The following CYP7B1 variants were observed in gnomAD, a reference collection of about 807,000 sequenced individuals.
CYP7B1 encodes cytochrome P450 7B1.
A neutral mutation model predicts 42.7 loss-of-function variants in CYP7B1; 29 were observed. The ratio of observed to expected loss-of-function variants is 0.68; its 90% CI spans 0.51 to 0.93. CYP7B1 has a LOEUF of 0.93. CYP7B1 is among the 40% of genes least tolerant of loss of function. The pLI is 0.00. For missense variants in CYP7B1, 655 were observed against 600.5 expected (o/e 1.09, Z -0.95); for synonymous variants, 235 against 218.2 (o/e 1.08, Z -0.68).
intron 1 of CYP7B1, among the ~76,000 whole-genome samples, chr8:64,782,729 T>C (rs186376023): frequency 8.5e-5 from 13 of 152,294 alleles, no homozygotes; most frequent in Non-Finnish European, 1.3e-4. Context: ...TAAAATGTGA[T>C]TACAGAATTG....
At chr8:64,636,244 G>T (rs1175993992) in intron 1 of CYP7B1, among the ~76,000 whole-genome samples, 2 of 152,252 alleles carry the variant, frequency 1.3e-5, no homozygotes, top group East Asian at 3.9e-4. Context: ...GGGTGCTGTA[G>T]TCTCACTGTG....
intron 1 of CYP7B1, among the ~76,000 whole-genome samples, chr8:64,764,229 G>GCTCCCCCCCCCCCC (rs1554539986): frequency 1.6e-5 from 2 of 125,150 alleles, no homozygotes; most frequent in African/African-American, 6.1e-5. Flanking sequence ...CTTCCACGCT[G>GCTCCCCCCCCCCCC]CCCCCCCCAC....
intron 1 of CYP7B1, among the ~76,000 whole-genome samples, chr8:64,634,402 T>C (rs930136223): frequency 6.6e-6 from 1 of 151,720 alleles, no homozygotes; most frequent in Admixed American, 6.6e-5. Context: ...AAACCCCATT[T>C]CTATGAAAAA....
chr8:64,639,638 T>C (rs956322704), intron 1 of CYP7B1, among the ~76,000 whole-genome samples: 13 of 152,098 alleles, frequency 8.5e-5, no homozygotes, highest in Non-Finnish European at 1.6e-4. Context: ...GAGGAGAAAC[T>C]GGAACTCTCA....
At chr8:64,757,370 T>C (rs1195771498) in intron 1 of CYP7B1, among the ~76,000 whole-genome samples, 1 of 152,176 alleles carries the variant, frequency 6.6e-6, no homozygotes, top group Non-Finnish European at 1.5e-5. Flanking sequence ...TAAAATAGGA[T>C]TATTAATGCC....
At chr8:64,610,176 T>G (rs1027397791) in intron 4 of CYP7B1, among the ~76,000 whole-genome samples, 2 of 152,228 alleles carry the variant, frequency 1.3e-5, no homozygotes, top group Non-Finnish European at 2.9e-5. Flanking sequence ...AGATTCTGTT[T>G]CCAGCATTCC....
intron 1 of CYP7B1, among the ~76,000 whole-genome samples, chr8:64,677,331 A>C (rs897963391): frequency 2.0e-5 from 3 of 151,640 alleles, no homozygotes; most frequent in Non-Finnish European, 4.4e-5. Context: ...GTGCTGGAAT[A>C]GAAGTTGTCA....
At chr8:64,656,659 CAAAGATAA>C (rs1001241953) in intron 1 of CYP7B1, among the ~76,000 whole-genome samples, 1 of 152,148 alleles carries the variant, frequency 6.6e-6, no homozygotes, top group African/African-American at 2.4e-5. Flanking sequence ...GTCACACAAT[CAAAGATAA>C]AACCATTTTA....
At chr8:64,759,041 C>T (rs1234225472) in intron 1 of CYP7B1, among the ~76,000 whole-genome samples, 1 of 152,162 alleles carries the variant, frequency 6.6e-6, no homozygotes, top group Non-Finnish European at 1.5e-5. Context: ...TGGAGTCCTG[C>T]TGTACTGTGA....
chr8:64,747,506 A>T (rs557815761), intron 1 of CYP7B1, among the ~76,000 whole-genome samples: 1 of 151,598 alleles, frequency 6.6e-6, no homozygotes, highest in South Asian at 2.1e-4. Flanking sequence ...TATATGCTAT[A>T]TTCCTACAAT....
intron 4 of CYP7B1, among the ~76,000 whole-genome samples, chr8:64,612,385 T>C (rs1160720431): frequency 3.3e-5 from 5 of 152,106 alleles, no homozygotes; most frequent in African/African-American, 9.7e-5. Flanking sequence ...ATAGATAAAA[T>C]GTTTTACTGA....
At chr8:64,720,612 A>G (rs1389406786) in intron 1 of CYP7B1, among the ~76,000 whole-genome samples, 1 of 152,186 alleles carries the variant, frequency 6.6e-6, no homozygotes, top group African/African-American at 2.4e-5. Context: ...GAGGAAATTA[A>G]GCTCTTTAAG....
chr8:64,787,742 T>C (rs1804550208), intron 1 of CYP7B1, among the ~76,000 whole-genome samples: 1 of 152,214 alleles, frequency 6.6e-6, no homozygotes, highest in African/African-American at 2.4e-5. Context: ...GGAGCCAATC[T>C]ACTGTATTAG....
At chr8:64,612,289 C>A (rs1805374791) in intron 4 of CYP7B1, among the ~76,000 whole-genome samples, 1 of 151,874 alleles carries the variant, frequency 6.6e-6, no homozygotes, top group African/African-American at 2.4e-5. Flanking sequence ...GAGATTTAAG[C>A]CCCAAGTAAC....
intron 1 of CYP7B1, among the ~76,000 whole-genome samples, chr8:64,774,822 G>C (rs1804296047): frequency 1.3e-5 from 2 of 152,072 alleles, no homozygotes; most frequent in Admixed American, 1.3e-4. Context: ...TCAACTGTTT[G>C]CCTCCAAAAC....
At chr8:64,679,564 C>T (rs1302458220) in intron 1 of CYP7B1, among the ~76,000 whole-genome samples, 2 of 151,942 alleles carry the variant, frequency 1.3e-5, no homozygotes, top group African/African-American at 4.8e-5. Context: ...TTTTTTCTTG[C>T]TTTCTAACTT....
At chr8:64,627,188 TACTC>T in intron 1 of CYP7B1, among the ~76,000 whole-genome samples, 1 of 152,354 alleles carries the variant, frequency 6.6e-6, no homozygotes, top group Middle Eastern at 3.4e-3. Flanking sequence ...ATGGGAATCT[TACTC>T]ATTATACTTT....
intron 1 of CYP7B1, among the ~76,000 whole-genome samples, chr8:64,725,385 C>T (rs62521114): frequency 0.29 from 43,834 of 152,136 alleles, 7,532 homozygotes; most frequent in African/African-American, 0.48. Flanking sequence ...AATCACTGAA[C>T]GTCTCTCTCC....
intron 1 of CYP7B1, among the ~76,000 whole-genome samples, chr8:64,778,619 T>A (rs1207306219): frequency 6.6e-6 from 1 of 152,136 alleles, no homozygotes; most frequent in East Asian, 1.9e-4. Context: ...CACACTAAAC[T>A]GTCTATAATT....
Sources: allele counts gnomAD v4.1 joint callset (sites outside exome capture counted in the v4.1 genomes callset), GRCh38; gene constraint gnomAD v4.1.1; transcripts MANE v1.5; gene names NCBI Gene and HGNC (gene_info 2026-07-23, HGNC 2026-07-21).